The following B3GAT2 variants were observed in gnomAD, a reference collection of about 807,000 sequenced individuals.
The protein encoded by B3GAT2 is beta-1,3-glucuronyltransferase 2.
Under a neutral mutation model 27.8 loss-of-function variants are expected in B3GAT2, and 26 were observed. The ratio of observed to expected loss-of-function variants is 0.93; its 90% CI spans 0.68 to 1.30. B3GAT2 has a LOEUF of 1.30. Among genes scored for constraint, B3GAT2 ranks in the 50% most tolerant of loss-of-function variants. The probability of loss-of-function intolerance (pLI) is 0.00; values close to 1 mark genes in which losing one functional copy is unlikely to be tolerated. For synonymous variants in B3GAT2, 218 were observed against 195.1 expected, an observed-to-expected ratio of 1.12 and a Z score of -0.98; for missense variants, 458 against 459.0, an observed-to-expected ratio of 1.00 and a Z score of 0.02.
chr6:70,904,541 C>T (rs982922257), intron 1 of B3GAT2, among the ~76,000 whole-genome samples: 2 of 152,118 alleles, frequency 1.3e-5, no homozygotes, highest in African/African-American at 2.4e-5. Flanking sequence ...GTCTGACACA[C>T]GTCCAGAGTA....
chr6:70,921,489 T>C (rs931761154), intron 1 of B3GAT2, among the ~76,000 whole-genome samples: 4 of 152,242 alleles, frequency 2.6e-5, no homozygotes, highest in Admixed American at 2.0e-4. Context: ...CTATTTCGTT[T>C]CATCTCTTGT....
At chr6:70,952,233 CA>C (rs1765589337) in intron 1 of B3GAT2, among the ~76,000 whole-genome samples, 1 of 152,170 alleles carries the variant, frequency 6.6e-6, no homozygotes, top group Non-Finnish European at 1.5e-5. Context: ...CTTCTAGATG[CA>C]ATCTCAGTCA....
Position 70,861,121 on chromosome 6 carries a change from A to C in B3GAT2, c.*542T>G, listed in dbSNP as rs1351182653. 1.8e-5 allele frequency: 3 copies of C among 169,332 alleles called. No homozygotes were observed. Among genetic ancestry groups the C allele is most frequent in the Non-Finnish European group, 2.5e-5 (2 of 79,408 alleles). 10.5% of individuals were successfully genotyped at this position (169,332 alleles called of 1,614,324 possible). A position where few individuals can be genotyped will look rare whatever the true frequency, so the allele number is the denominator to read the frequency against. On this transcript the variant is annotated 3_prime_UTR_variant, in exon 4 of 4. Coordinates refer to ENST00000230053, the MANE Select transcript of B3GAT2 (RefSeq NM_080742.3). ...ATTGTGTTTACATTTTATGGTGCCT[A>C]GTATTGACAAAATGTTATTTCCCTA...
intron 2 of B3GAT2, among the ~76,000 whole-genome samples, chr6:70,863,164 T>G (rs1771792197): frequency 6.6e-6 from 1 of 152,120 alleles, no homozygotes; most frequent in Admixed American, 6.5e-5. Context: ...CCTCCCAGAG[T>G]TGAAGCTCCG....
chr6:70,929,716 T>C (rs1480521430), intron 1 of B3GAT2, among the ~76,000 whole-genome samples: 1 of 152,160 alleles, frequency 6.6e-6, no homozygotes, highest in Non-Finnish European at 1.5e-5. Context: ...TGGAAGAACA[T>C]TCCATGCTTA....
chr6:70,862,399 A>G (rs1420959829), intron 2 of B3GAT2, among the ~76,000 whole-genome samples: 7 of 152,290 alleles, frequency 4.6e-5, no homozygotes, highest in Admixed American at 4.6e-4. Context: ...CCTGCCCTGT[A>G]ATATTAATTA....
At chr6:70,947,982 C>A (rs1204825270) in intron 1 of B3GAT2, among the ~76,000 whole-genome samples, 1 of 152,010 alleles carries the variant, frequency 6.6e-6, no homozygotes, top group Non-Finnish European at 1.5e-5. Flanking sequence ...ACAAAAACCA[C>A]ATGATTATCT....
intron 1 of B3GAT2, among the ~76,000 whole-genome samples, chr6:70,899,798 C>A (rs2150034127): frequency 6.6e-6 from 1 of 152,266 alleles, no homozygotes; most frequent in South Asian, 2.1e-4. Context: ...TCAATCTATG[C>A]TCTTTGAGGA....
At chr6:70,936,508 G>C (rs947658766) in intron 1 of B3GAT2, among the ~76,000 whole-genome samples, 14 of 152,064 alleles carry the variant, frequency 9.2e-5, no homozygotes, top group Middle Eastern at 3.4e-3. Context: ...TGGAAGTAAA[G>C]CTCTCCTCAG....
chr6:70,906,293 C>A (rs1275517551), intron 1 of B3GAT2, among the ~76,000 whole-genome samples: 1 of 152,076 alleles, frequency 6.6e-6, no homozygotes, highest in Non-Finnish European at 1.5e-5. Flanking sequence ...TGATCGTACA[C>A]CCCTATACTC....
chr6:70,929,152 T>C (rs936084844), intron 1 of B3GAT2, among the ~76,000 whole-genome samples: 25 of 151,688 alleles, frequency 1.6e-4, no homozygotes, highest in Non-Finnish European at 3.1e-4. Context: ...TAGGTGGGAA[T>C]TGAACAATGA....
At chr6:70,888,843 G>A (rs1430647768) in intron 2 of B3GAT2, among the ~76,000 whole-genome samples, 1 of 152,182 alleles carries the variant, frequency 6.6e-6, no homozygotes, top group Non-Finnish European at 1.5e-5. Context: ...GGCCTAGCAC[G>A]GAAGGTGCCT....
At chr6:70,936,258 C>G (rs1207589545) in intron 1 of B3GAT2, among the ~76,000 whole-genome samples, 3 of 151,896 alleles carry the variant, frequency 2.0e-5, no homozygotes, top group African/African-American at 7.3e-5. Flanking sequence ...TAAAGCAAGT[C>G]CTGAGTGACC....
rs531461661 is a variant in B3GAT2, at chr6:70,860,420, A to T, written c.*1243T>A. 1 of 1,478,246 alleles carries T rather than the reference A, an allele frequency of 6.8e-7. No homozygotes were observed. The highest frequency in any genetic ancestry group is 2.3e-5 in the Admixed American group (1 of 43,002). The allele number at this position is 1,478,246 out of a possible 1,614,324, so 91.6% of individuals were successfully genotyped here. Reference sequence around the variant, plus strand: ...AGTTCCCCTGTTTATTCATATGCATATTTTTTTTCTTTTTACCCATTTGTT... The same window carrying T: ...AGTTCCCCTGTTTATTCATATGCATTTTTTTTTTCTTTTTACCCATTTGTT... On this transcript the variant is annotated 3_prime_UTR_variant, in exon 4 of 4. Transcript: ENST00000230053.
intron 1 of B3GAT2, among the ~76,000 whole-genome samples, chr6:70,945,687 G>A (rs1453174230): frequency 6.8e-6 from 1 of 146,778 alleles, no homozygotes; most frequent in Non-Finnish European, 1.5e-5. Context: ...ATCTAGTATG[G>A]CAGGCCAACA....
intron 1 of B3GAT2, among the ~76,000 whole-genome samples, chr6:70,923,433 T>G (rs1772903990): frequency 1.3e-5 from 2 of 152,084 alleles, no homozygotes; most frequent in Non-Finnish European, 2.9e-5. Context: ...TCCCTGCACT[T>G]TGGGAGGCTG....
chr6:70,913,658 G>A (rs1274333464), intron 1 of B3GAT2, among the ~76,000 whole-genome samples: 1 of 152,264 alleles, frequency 6.6e-6, no homozygotes, highest in Non-Finnish European at 1.5e-5. Context: ...ATGTGGCGAT[G>A]AGAAGAATGT....
At chr6:70,939,192 A>G (rs907102358) in intron 1 of B3GAT2, among the ~76,000 whole-genome samples, 4 of 149,832 alleles carry the variant, frequency 2.7e-5, no homozygotes, top group African/African-American at 9.9e-5. Context: ...CAAAACCACA[A>G]TGAGATACCA....
chr6:70,884,526 G>C (rs779434821), intron 2 of B3GAT2, among the ~76,000 whole-genome samples: 2 of 152,190 alleles, frequency 1.3e-5, no homozygotes, highest in South Asian at 2.1e-4. Context: ...AAGGCGGCCA[G>C]GGGCAGGGAG....
Sources: allele counts gnomAD v4.1 joint callset (sites outside exome capture counted in the v4.1 genomes callset), GRCh38; gene constraint gnomAD v4.1.1; transcripts MANE v1.5; gene names NCBI Gene and HGNC (gene_info 2026-07-23, HGNC 2026-07-21).